Variants in UNC80 observed in about 807,000 individuals in gnomAD.
UNC80 encodes unc-80 subunit of NALCN channel complex, also known as protein unc-80 homolog.
UNC80 carries 164 observed loss-of-function variants against 384.6 expected under a neutral mutation model. The observed-to-expected ratio is 0.43, with a 90% confidence interval of 0.38 to 0.49. The LOEUF is 0.49. UNC80 is among the 20% of genes least tolerant of loss of function. The pLI, the probability that UNC80 is intolerant of heterozygous loss-of-function variation, is 0.00. For synonymous variants in UNC80, 1,486 were observed against 1,527.8 expected (o/e 0.97, Z 0.64); for missense variants, 3,330 against 4,143.0 (o/e 0.80, Z 5.39).
At chr2:209,812,907 C>A (rs1297877714) in intron 7 of UNC80, among the ~76,000 whole-genome samples, 1 of 152,136 alleles carries the variant, frequency 6.6e-6, no homozygotes, top group Non-Finnish European at 1.5e-5. Context: ...ATAATAGAAT[C>A]CCAGGAACTT....
intron 36 of UNC80, among the ~76,000 whole-genome samples, chr2:209,928,148 CAACGTGGCGAA>C (rs1210308552): frequency 1.3e-5 from 2 of 152,060 alleles, no homozygotes; most frequent in South Asian, 2.1e-4. Context: ...CCAGCCTGGC[CAACGTGGCGAA>C]ACCCTGTCTC....
chr2:209,977,021 A>G lies in UNC80; in HGVS notation c.8881A>G (p.Ile2961Val). ...ACGCCCTTTGTGTAAGAGCTCGCTC[A>G]TTGCTGAGTTCAACAGTGAACTAAA... ...IPRPLCKSSL[I>V]AEFNSELKIL... Residue 2961 changes from isoleucine to valine, a missense_variant, in exon 58 of 65, where the codon ATT becomes GTT. Ile to Val is a conservative substitution (Grantham distance 29, BLOSUM62 3). This residue lies in a region of UNC80 where 216 missense variants were observed against 245.3 expected (regional missense o/e 0.88). Coordinates refer to ENST00000673920, the MANE Select transcript of UNC80 (RefSeq NM_001371986.1). 1 of 1,537,464 alleles carries G rather than the reference A, an allele frequency of 6.5e-7. No homozygotes were observed. Among genetic ancestry groups the G allele is most frequent in the Middle Eastern group, 1.7e-4 (1 of 5,942 alleles).
At chr2:209,891,041 G>T (rs76975322) in intron 26 of UNC80, among the ~76,000 whole-genome samples, 2,029 of 152,230 alleles carry the variant, frequency 0.013, 59 homozygotes, top group African/African-American at 0.046. Flanking sequence ...ATGATTTTAT[G>T]TGTTGAAGTA....
chr2:209,816,490 C>T (rs1486324592), intron 9 of UNC80, among the ~76,000 whole-genome samples: 1 of 152,224 alleles, frequency 6.6e-6, no homozygotes, highest in Non-Finnish European at 1.5e-5. Flanking sequence ...CAAGTAGTGA[C>T]TCTAACCTTG....
intron 6 of UNC80, among the ~76,000 whole-genome samples, 194 bp downstream of exon 6, chr2:209,789,799 G>A (rs1003496893): frequency 1.1e-4 from 17 of 151,582 alleles, no homozygotes; most frequent in African/African-American, 2.2e-4. Flanking sequence ...TCCCCAAAGC[G>A]TGCAGGTGTG....
At chr2:209,992,783 T>G (rs776933768) in intron 62 of UNC80, among the ~76,000 whole-genome samples, 6 of 152,230 alleles carry the variant, frequency 3.9e-5, no homozygotes, top group Admixed American at 3.9e-4. Flanking sequence ...ATTTCAAGAT[T>G]ATTTAATTTA....
chr2:209,819,625 C>T (rs2079999033), intron 12 of UNC80, among the ~76,000 whole-genome samples: 1 of 151,968 alleles, frequency 6.6e-6, no homozygotes, highest in African/African-American at 2.4e-5. Context: ...GACTACAAAC[C>T]TCCTGTGTAA....
chr2:209,950,673 C>G (rs1439045066), intron 47 of UNC80, among the ~76,000 whole-genome samples: 1 of 151,946 alleles, frequency 6.6e-6, no homozygotes, highest in African/African-American at 2.4e-5. Flanking sequence ...ATTCTCCTGC[C>G]TCAGCCTCCC....
chr2:209,831,725 C>A, intron 16 of UNC80, 134 bp downstream of exon 16: 1 of 1,035,082 alleles, frequency 9.7e-7, no homozygotes, highest in Non-Finnish European at 1.3e-6. Flanking sequence ...CTATTTTCCC[C>A]GGTGTCACCA....
At chr2:209,807,571 G>C (rs1337935642) in intron 7 of UNC80, among the ~76,000 whole-genome samples, 5 of 151,904 alleles carry the variant, frequency 3.3e-5, no homozygotes, top group Admixed American at 2.6e-4. Flanking sequence ...CACCGTGTTA[G>C]CCAGGATGGT....
At position 209,957,624 on chromosome 2, in the gene UNC80, G is replaced by A. The variant is rs2124999322; in HGVS notation, c.7458-20G>A. On this transcript the variant is annotated intron_variant, in intron 48 of 64. Transcript: ENST00000673920. ...GTTGTTGTTGTTGTTTTGCTGTGGT[G>A]ATTACTGTCATTGTTACAGGCCCAT... 1.3e-6 allele frequency: 2 copies of A among 1,541,946 alleles called. No homozygotes were observed. Among genetic ancestry groups the A allele is most frequent in the East Asian group, 2.4e-5 (1 of 40,830 alleles).
intron 22 of UNC80, among the ~76,000 whole-genome samples, chr2:209,857,493 G>C (rs1358171219): frequency 6.6e-6 from 1 of 151,960 alleles, no homozygotes; most frequent in African/African-American, 2.4e-5. Context: ...ATTGTTTCCA[G>C]TTTTTTAACT....
chr2:209,858,645 G>C (rs976555068), intron 22 of UNC80, among the ~76,000 whole-genome samples: 24 of 146,546 alleles, frequency 1.6e-4, no homozygotes, highest in African/African-American at 5.5e-4. Flanking sequence ...AGTGAGCCCA[G>C]ATCACACAAC....
intron 7 of UNC80, among the ~76,000 whole-genome samples, chr2:209,794,380 T>C (rs1453361292): frequency 2.0e-5 from 3 of 152,204 alleles, no homozygotes. Context: ...GTTGAAATTA[T>C]GGACACCTGG....
chr2:209,874,101 C>T (rs1254139057), intron 23 of UNC80, among the ~76,000 whole-genome samples: 3 of 152,140 alleles, frequency 2.0e-5, no homozygotes, highest in Non-Finnish European at 4.4e-5. Flanking sequence ...TGAGAAGACA[C>T]AGTTTCTCCT....
intron 59 of UNC80, among the ~76,000 whole-genome samples, chr2:209,979,261 T>A (rs1048889493): frequency 3.9e-5 from 6 of 152,064 alleles, no homozygotes; most frequent in Non-Finnish European, 7.4e-5. Context: ...AAACAACAAC[T>A]CCTATCTAAA....
At chr2:209,809,255 A>C in intron 7 of UNC80, 1 of 727,792 alleles carries the variant, frequency 1.4e-6, no homozygotes, top group South Asian at 1.5e-5. Context: ...TTCAACTGCC[A>C]ATACTGCAAT....
At chr2:209,894,060 C>A (rs2086593321) in intron 26 of UNC80, 103 bp from the exon 27 acceptor site, 14 of 781,166 alleles carry the variant, frequency 1.8e-5, no homozygotes, top group Non-Finnish European at 2.2e-5. Context: ...CTCATCCAGG[C>A]CAGCAGAGGA....
intron 26 of UNC80, among the ~76,000 whole-genome samples, chr2:209,889,945 A>G (rs1355590376): frequency 7.9e-5 from 12 of 152,142 alleles, no homozygotes; most frequent in Admixed American, 7.9e-4. Flanking sequence ...TCCTGACCTC[A>G]GGTGATCCAC....
Sources: allele counts gnomAD v4.1 joint callset (sites outside exome capture counted in the v4.1 genomes callset), GRCh38; gene constraint gnomAD v4.1.1; regional missense constraint gnomAD v4.1.1; transcripts MANE v1.5; gene names NCBI Gene and HGNC (gene_info 2026-07-23, HGNC 2026-07-21).